GCNA: variants seen among roughly 807,000 people sequenced by gnomAD.
The protein encoded by GCNA is germ cell nuclear acidic protein.
Under a neutral mutation model 38.8 loss-of-function variants are expected in GCNA, and 3 were observed. The observed-to-expected ratio is 0.08, with a 90% CI of 0.04 to 0.20. GCNA has a LOEUF of 0.20. GCNA is among the 10% of genes least tolerant of loss of function. GCNA has a pLI of 1.00. For missense variants in GCNA, 446 were observed against 578.6 expected (o/e 0.77, Z 2.35); for synonymous variants, 195 against 240.2 (o/e 0.81, Z 1.74).
Position 71,608,823 on chromosome X carries a change from C to G in GCNA, c.1467-150C>G, listed in dbSNP as rs888637552. The stretch of plus-strand genomic sequence containing the variant: ...GGTTGCAAAGAGAGAAGAGAAAAGG[C>G]TACAAATGAAGGCTTGGGAAATGCC... On this transcript the variant is annotated intron_variant, in intron 9 of 12. Coordinates refer to ENST00000373696, the MANE Select transcript of GCNA (RefSeq NM_052957.5). The G allele has an allele frequency of 1.3e-5, 9 of 688,347 alleles. No individual in the cohort carries two copies. The African/African-American group carries it at 1.3e-4, about 10-fold the overall frequency. The allele number at this position is 688,347 out of a possible 1,213,427, so 56.7% of individuals were successfully genotyped here. A position where few individuals can be genotyped will look rare whatever the true frequency, so the allele number is the denominator to read the frequency against.
chrX:71,612,283 G>GAAAAAAAAAAAAAAA, intron 11 of GCNA, 72 bp from the exon 12 acceptor site: 1 of 294,850 alleles, frequency 3.4e-6, no homozygotes, highest in Non-Finnish European at 5.0e-6. Flanking sequence ...CTCAAAAAAG[G>GAAAAAAAAAAAAAAA]AAAAAAAAAA....
Position 71,604,400 on chromosome X carries a change from C to G in GCNA, c.1123C>G (p.Leu375Val). 1 of 1,211,317 alleles carries G rather than the reference C, an allele frequency of 8.3e-7. No homozygotes were observed. Among genetic ancestry groups the G allele is most frequent in the Non-Finnish European group, 1.1e-6 (1 of 895,242 alleles). The change falls in exon 8 of 13, where the codon CTT becomes GTT. Residue 375 changes from leucine (L) to valine (V), a missense_variant. Coordinates refer to ENST00000373696, the MANE Select transcript of GCNA (RefSeq NM_052957.5). Reference protein sequence around the residue: ...DSSDDAGEQDLGENLSKPPSD... With the variant: ...DSSDDAGEQDVGENLSKPPSD... ...ATCTGATGATGCTGGTGAGCAGGAT[C>G]TTGGTGAGAATCTCAGCAAACCACC...
At chrX:71,602,898 G>C (rs895641761) in intron 7 of GCNA, among the ~76,000 whole-genome samples, 2 of 112,298 alleles carry the variant, frequency 1.8e-5, no homozygotes, top group Non-Finnish European at 3.8e-5. Flanking sequence ...TCTTGTAGTA[G>C]TTTCATAGTT....
At chrX:71,583,738 TCAAGG>T (rs2147708709) in intron 2 of GCNA, among the ~76,000 whole-genome samples, 1 of 101,141 alleles carries the variant, frequency 9.9e-6, no homozygotes, top group East Asian at 3.2e-4. Flanking sequence ...TGCTCTATTG[TCAAGG>T]CTGGAGTGCA....
intron 2 of GCNA, among the ~76,000 whole-genome samples, chrX:71,585,142 C>T (rs1239583587): frequency 1.8e-5 from 2 of 108,867 alleles, no homozygotes; most frequent in Admixed American, 2.0e-4. Context: ...GAAACCCTGT[C>T]TCTACAAAAA....
intron 2 of GCNA, among the ~76,000 whole-genome samples, chrX:71,591,642 A>C (rs1407224526): frequency 3.9e-5 from 4 of 101,552 alleles, no homozygotes; most frequent in Non-Finnish European, 8.0e-5. Flanking sequence ...TTTATTTTTT[A>C]TTTTACTTTT....
At chrX:71,578,927 C>T (rs778548845) in intron 1 of GCNA, among the ~76,000 whole-genome samples, 1 of 87,436 alleles carries the variant, frequency 1.1e-5, no homozygotes, top group African/African-American at 4.4e-5. Context: ...GAAGTAGGGG[C>T]ACCAGTGGCG....
rs1192725570 is a variant in GCNA, at chrX:71,589,461, T to C, written c.60-2661T>C. On this transcript the variant is annotated intron_variant, in intron 2 of 12. Transcript: ENST00000373696. Reference sequence around the variant, plus strand: ...CCTGCATATATTTCCTTTTTTTTTTTTTTTTTTTTTTTTTTTTTTTTTGAG... The same window carrying C: ...CCTGCATATATTTCCTTTTTTTTTTCTTTTTTTTTTTTTTTTTTTTTTGAG... Among the ~76,000 whole-genome samples the C allele has an allele frequency of 5.1e-5, 3 of 58,521 alleles. No individual in the cohort carries two copies. In the East Asian group the frequency reaches 1.4e-3, roughly 28 times the overall value. 50.8% of individuals were successfully genotyped at this position (58,521 alleles called of 115,157 possible).
chrX:71,592,409 C>A (rs1222693104), intron 3 of GCNA, 128 bp from the exon 4 acceptor site: 3 of 426,396 alleles, frequency 7.0e-6, no homozygotes, highest in Admixed American at 1.0e-4. Context: ...TCCTTTCTAT[C>A]CTTCATGGGA....
At chrX:71,587,991 C>T (rs950863776) in intron 2 of GCNA, among the ~76,000 whole-genome samples, 8 of 110,756 alleles carry the variant, frequency 7.2e-5, no homozygotes, top group African/African-American at 2.0e-4. Flanking sequence ...GATGGGGTTT[C>T]GCCATGTTGG....
At chrX:71,609,430 G>T (rs952831936) in intron 10 of GCNA, among the ~76,000 whole-genome samples, 4 of 111,797 alleles carry the variant, frequency 3.6e-5, no homozygotes, top group African/African-American at 1.3e-4. Flanking sequence ...ATGGGGGAGA[G>T]GGAGAGTTGA....
At chrX:71,582,027 C>T (rs970473538) in intron 2 of GCNA, among the ~76,000 whole-genome samples, 3 of 109,310 alleles carry the variant, frequency 2.7e-5, no homozygotes, top group Admixed American at 9.8e-5. Flanking sequence ...CAGCTTTGGC[C>T]GGGCACACTT....
At chrX:71,584,473 G>A (rs1197548110) in intron 2 of GCNA, among the ~76,000 whole-genome samples, 6 of 110,801 alleles carry the variant, frequency 5.4e-5, no homozygotes, top group African/African-American at 1.6e-4. Flanking sequence ...GGCTAGTCTC[G>A]AACTCCTGGG....
Position 71,605,695 on chromosome X carries a change from C to T in GCNA, c.1432C>T (p.Pro478Ser). Residue 478 changes from proline to serine, a missense_variant, in exon 9 of 13, where the codon CCC (proline) becomes TCC (serine). Pro to Ser is a moderately conservative substitution (Grantham distance 74, BLOSUM62 -1). Coordinates refer to ENST00000373696, the MANE Select transcript of GCNA (RefSeq NM_052957.5). ...GAAGCGTGGGCCTTCAAAGAAGAAACCCGGTGCAGCAAAAGTTGAAAAACG... is the reference window on the plus strand; with the variant it reads ...GAAGCGTGGGCCTTCAAAGAAGAAATCCGGTGCAGCAAAAGTTGAAAAACG... ...HKKRGPSKKK[P>S]GAAKVEKRKT... 8.3e-7 allele frequency: 1 copy of T among 1,209,816 alleles called. No individual in the cohort carries two copies.
rs763148111 is a variant in GCNA at position 71,603,934 on chromosome X, T to C, written c.657T>C (p.Ser219=). ...SDDSDVPDDK[S]DDSDVPDDSS... ...ATTCGGATGTTCCCGACGACAAGAG[T>C]GATGATTCGGATGTTCCCGACGACA... Residue 219 remains serine, a synonymous_variant, in exon 8 of 13, where the codon AGT becomes AGC. Transcript: ENST00000373696. The C allele has an allele frequency of 1.4e-5, 17 of 1,207,083 alleles. No homozygotes were observed. In the African/African-American group the frequency reaches 3.0e-4, roughly 21 times the overall value.
At chrX:71,583,387 C>T (rs1193490158) in intron 2 of GCNA, among the ~76,000 whole-genome samples, 2 of 109,823 alleles carry the variant, frequency 1.8e-5, no homozygotes, top group African/African-American at 3.3e-5. Flanking sequence ...GAGGTTGAGG[C>T]GGGAGGAATG....
At chrX:71,586,810 A>G (rs1205107783) in intron 2 of GCNA, among the ~76,000 whole-genome samples, 1 of 111,293 alleles carries the variant, frequency 9.0e-6, no homozygotes, top group Non-Finnish European at 1.9e-5. Context: ...GGGTTTCACC[A>G]TGTTGGCCAG....
intron 2 of GCNA, among the ~76,000 whole-genome samples, chrX:71,585,443 A>G (rs1248059628): frequency 1.8e-5 from 2 of 111,291 alleles, no homozygotes; most frequent in East Asian, 5.6e-4. Context: ...TAAATGGGTT[A>G]TGTGTTATTA....
At chrX:71,611,564 G>T (rs1056284657) in intron 11 of GCNA, among the ~76,000 whole-genome samples, 15 of 111,661 alleles carry the variant, frequency 1.3e-4, no homozygotes, top group Non-Finnish European at 2.1e-4. Flanking sequence ...TTAAAAATGT[G>T]CCACATACTC....
Sources: allele counts gnomAD v4.1 joint callset (sites outside exome capture counted in the v4.1 genomes callset), GRCh38; gene constraint gnomAD v4.1.1; transcripts MANE v1.5; gene names NCBI Gene and HGNC (gene_info 2026-07-23, HGNC 2026-07-21).